The following DNMT1 variants were observed in gnomAD, a reference collection of about 807,000 sequenced individuals.
DNMT1 encodes DNA methyltransferase 1.
DNMT1 carries 24 observed loss-of-function variants against 205.3 expected under a neutral mutation model. The ratio of observed to expected loss-of-function variants is 0.12; its 90% CI spans 0.08 to 0.16. The LOEUF (loss-of-function observed/expected upper bound fraction) is 0.16. Ranked by LOEUF, DNMT1 falls within the 10% of genes least tolerant of loss-of-function variation. DNMT1 has a pLI of 1.00. For missense variants in DNMT1, 1,293 were observed against 2,177.7 expected, an observed-to-expected ratio of 0.59 and a Z score of 8.09; for synonymous variants, 817 against 839.8, an observed-to-expected ratio of 0.97 and a Z score of 0.47.
intron 22 of DNMT1, among the ~76,000 whole-genome samples, chr19:10,153,733 G>A (rs1211000306): frequency 6.6e-6 from 1 of 152,080 alleles, no homozygotes; most frequent in African/African-American, 2.4e-5. Context: ...AAATAACAAT[G>A]GTGAGGACAT....
In DNMT1 at chr19:10,155,962, A is replaced by C. The variant is rs754660533; in HGVS notation, c.1400-17T>G. The stretch of plus-strand genomic sequence containing the variant: ...TAACACCACCTAGAGCAGAAAAAGG[A>C]AATGGACTAAAGGCTCTGACTCACA... On this transcript the variant is annotated splice_polypyrimidine_tract_variant and intron_variant, in intron 18 of 40. Transcript: ENST00000359526. The C allele has an allele frequency of 6.2e-7, 1 of 1,609,338 alleles. No individual in the cohort carries two copies. The highest frequency in any genetic ancestry group is 1.7e-5 in the Admixed American group (1 of 59,264).
intron 13 of DNMT1, among the ~76,000 whole-genome samples, chr19:10,161,160 T>C (rs1279411660): frequency 6.6e-6 from 1 of 151,878 alleles, no homozygotes; most frequent in African/African-American, 2.4e-5. Context: ...CAAAAATTAG[T>C]TGGGCGCGGT....
At chr19:10,145,463 G>C (rs542278404) in intron 28 of DNMT1, among the ~76,000 whole-genome samples, 1 of 148,664 alleles carries the variant, frequency 6.7e-6, no homozygotes, top group Non-Finnish European at 1.5e-5. Context: ...AGCCGGGAAG[G>C]CATCTGGAAA....
At chr19:10,148,235 G>A (rs541812215) in intron 27 of DNMT1, among the ~76,000 whole-genome samples, 15 of 151,028 alleles carry the variant, frequency 9.9e-5, no homozygotes, top group Non-Finnish European at 1.9e-4. Flanking sequence ...GGTGGCTCAC[G>A]CCTGTAATCC....
Position 10,162,768 on chromosome 19 carries a change from A to C in DNMT1, c.927-20T>G. The C allele has an allele frequency of 6.2e-7, 1 of 1,613,320 alleles. No homozygotes were observed. Among genetic ancestry groups the C allele is most frequent in the African/African-American group, 1.3e-5 (1 of 74,992 alleles). The stretch of plus-strand genomic sequence containing the variant: ...GCAGCTCTGCAGGGTGAACAGATAC[A>C]CAGCAAGTAGCAGCTTAGAAACACT... On this transcript the variant is annotated intron_variant, in intron 12 of 40. Coordinates refer to ENST00000359526, the MANE Select transcript of DNMT1 (RefSeq NM_001130823.3).
intron 5 of DNMT1, 184 bp downstream of exon 5, chr19:10,180,003 A>AAAG: frequency 4.4e-6 from 1 of 226,712 alleles, no homozygotes; most frequent in African/African-American, 2.5e-5. Context: ...AAAAAAAAAA[A>AAAG]AAAGAAAGAA....
chr19:10,154,504 AGAGGACTGGGACAGAGGATGT>A lies in DNMT1; in HGVS notation c.1833-46_1833-26del. On this transcript the variant is annotated intron_variant, in intron 21 of 40. Transcript: ENST00000359526. This position sits in a 1 kb window ranked among gnomAD's most constrained non-coding sequence, Gnocchi z 6.3. ...CCTACGGGAGAGGTTCCAGCATCTC[AGAGGACTGGGACAGAGGATGT>A]GGGCCATGCTCTACCCTCCCCGGTC... is the stretch of plus-strand genomic sequence containing the variant. The A allele has an allele frequency of 6.2e-7, 1 of 1,614,108 alleles. No homozygotes were observed. The highest frequency in any genetic ancestry group is 8.5e-7 in the Non-Finnish European group (1 of 1,180,012).
chr19:10,161,817 C>A (rs1197735575), intron 13 of DNMT1, among the ~76,000 whole-genome samples: 2 of 151,982 alleles, frequency 1.3e-5, no homozygotes, highest in Non-Finnish European at 2.9e-5. Flanking sequence ...GGTGGGGCCC[C>A]ATCCAATAAG....
chr19:10,141,482 C>T, intron 30 of DNMT1: 1 of 440,878 alleles, frequency 2.3e-6, no homozygotes, highest in Admixed American at 3.5e-5. Context: ...AATTGGGCTA[C>T]CTCATCCATG....
rs117941588 is a variant in DNMT1, at chr19:10,174,850, A to G, written c.648+690T>C. 5.8e-3 allele frequency among the ~76,000 whole-genome samples: 881 copies of G among 151,762 alleles called. 19 individuals carry two copies. Among genetic ancestry groups the G allele is most frequent in the East Asian group, 0.034 (175 of 5,140 alleles). On this transcript the variant is annotated intron_variant, in intron 7 of 40. Coordinates refer to ENST00000359526, the MANE Select transcript of DNMT1 (RefSeq NM_001130823.3). ...GGAGTTCGAGACCAGCCTGGGCAAC[A>G]TGGGAGACCAGCCTGGGCAACATGG...
chr19:10,148,889 CTTG>C lies in DNMT1; in HGVS notation c.2712_2714del (p.Asn904del). The C allele has an allele frequency of 1.2e-6, 2 of 1,614,178 alleles. No individual in the cohort carries two copies. Among genetic ancestry groups the C allele is most frequent in the Non-Finnish European group, 1.7e-6 (2 of 1,180,022 alleles). On this transcript the variant is annotated inframe_deletion, in exon 27 of 41. Transcript: ENST00000359526. ...AGTCCAGCCCCAGTGCTCACTTGAA[CTTG>C]TTGTCCTCTGTTGGCTGGGTTTTTG... is the stretch of plus-strand genomic sequence containing the variant.
chr19:10,166,779 C>T (rs1266566213), intron 10 of DNMT1, 94 bp from the exon 11 acceptor site: 3 of 1,372,286 alleles, frequency 2.2e-6, no homozygotes, highest in Non-Finnish European at 3.1e-6. Flanking sequence ...CAAGCTCCTC[C>T]CCAGGTTCAG....
At chr19:10,162,124 G>C (rs146584288) in intron 13 of DNMT1, among the ~76,000 whole-genome samples, 4 of 150,684 alleles carry the variant, frequency 2.7e-5, no homozygotes, top group African/African-American at 9.8e-5. Context: ...AGACAGGCGT[G>C]AGCCGCTGTG....
At chr19:10,170,666 G>A (rs2038797639) in intron 9 of DNMT1, among the ~76,000 whole-genome samples, 1 of 152,108 alleles carries the variant, frequency 6.6e-6, no homozygotes, top group African/African-American at 2.4e-5. Flanking sequence ...AAAAATTACT[G>A]TACATTTTAG....
intron 17 of DNMT1, among the ~76,000 whole-genome samples, chr19:10,158,830 G>A (rs918637323): frequency 6.6e-6 from 1 of 152,158 alleles, no homozygotes; most frequent in Non-Finnish European, 1.5e-5. Context: ...CCTGGTAATG[G>A]TGTCCCCTTC....
Position 10,151,733 on chromosome 19 carries a change from G to C in DNMT1, c.2117+17C>G. 6.2e-7 allele frequency: 1 copy of C among 1,613,998 alleles called. No homozygotes were observed. The highest frequency in any genetic ancestry group is 8.5e-7 in the Non-Finnish European group (1 of 1,179,914). On this transcript the variant is annotated intron_variant, in intron 23 of 40. Transcript: ENST00000359526. The surrounding 1 kb of genome is among the most constrained non-coding windows in gnomAD (Gnocchi z 5.0). ...GGCAAGTCCTCTGCCACAGGAGGAAGACTCGGCCTGACCTACCTCCGCTCT... is the reference window on the plus strand; with the variant it reads ...GGCAAGTCCTCTGCCACAGGAGGAACACTCGGCCTGACCTACCTCCGCTCT...
chr19:10,138,296 G>C lies in DNMT1; in HGVS notation c.4115+143C>G. The C allele has an allele frequency of 1.5e-6, 2 of 1,316,650 alleles. No homozygotes were observed. Among genetic ancestry groups the C allele is most frequent in the South Asian group, 1.3e-5 (1 of 77,692 alleles). 81.6% of individuals were successfully genotyped at this position (1,316,650 alleles called of 1,614,324 possible). On this transcript the variant is annotated intron_variant, in intron 35 of 40. Coordinates refer to ENST00000359526, the MANE Select transcript of DNMT1 (RefSeq NM_001130823.3). The surrounding 1 kb of genome is among the most constrained non-coding windows in gnomAD (Gnocchi z 4.1). ...AGAACTGGAGACCACAGGTGGCAGA[G>C]TGCCATGTGGCAGAGCACCGTGTGG... is the stretch of plus-strand genomic sequence containing the variant.
intron 9 of DNMT1, 125 bp downstream of exon 9, chr19:10,172,965 G>A (rs556562372): frequency 2.7e-6 from 3 of 1,103,932 alleles, no homozygotes; most frequent in Admixed American, 3.9e-5. Flanking sequence ...AAGGCATTTC[G>A]ATCACTAGCA....
chr19:10,181,424 G>A (rs530801604), intron 2 of DNMT1, among the ~76,000 whole-genome samples: 3 of 151,898 alleles, frequency 2.0e-5, no homozygotes, highest in Non-Finnish European at 4.4e-5. Context: ...ACTCCAGCCT[G>A]GGCTACAGAA....
Sources: gnomAD v4.1 joint callset for allele counts (sites outside exome capture counted in the v4.1 genomes callset) on GRCh38, gnomAD v4.1.1 for gene constraint, Gnocchi (gnomAD v3.1) non-coding constraint, MANE v1.5 for transcripts, NCBI Gene and HGNC (gene_info 2026-07-23, HGNC 2026-07-21) for gene names.